The following CFAP299 variants were observed in gnomAD, a reference collection of about 807,000 sequenced individuals.
The protein encoded by CFAP299 is cilia- and flagella-associated protein 299.
Under a neutral mutation model 27.0 loss-of-function variants are expected in CFAP299, and 21 were observed. That is an observed-to-expected ratio of 0.78 (90% CI 0.55 to 1.12). CFAP299 has a LOEUF of 1.12. CFAP299 is among the 50% of genes most tolerant of loss of function. The pLI is 0.00. For synonymous variants in CFAP299, 104 were observed against 98.1 expected, an observed-to-expected ratio of 1.06 and a Z score of -0.36; for missense variants, 310 against 276.6, an observed-to-expected ratio of 1.12 and a Z score of -0.86.
intron 3 of CFAP299, among the ~76,000 whole-genome samples, chr4:80,823,411 G>T (rs1212911888): frequency 6.6e-6 from 1 of 152,088 alleles, no homozygotes; most frequent in African/African-American, 2.4e-5. Context: ...GAGACCCAGA[G>T]ACCTCCTTTT....
In CFAP299 at chr4:80,496,621, C is replaced by G. The variant is rs575215802; in HGVS notation, c.243-86472C>G. Among the ~76,000 whole-genome samples the G allele has an allele frequency of 3.3e-5, 5 of 152,360 alleles. No individual in the cohort carries two copies. In the East Asian group the frequency reaches 9.6e-4, roughly 29 times the overall value. ...ACTCTTCCAACCTCTGCCTGTTCCA[C>G]AGTTCCAAAGCTGCTTTCACATTTT... On this transcript the variant is annotated intron_variant, in intron 2 of 5. Transcript: ENST00000358105.
At chr4:80,567,564 G>A (rs1735365388) in intron 2 of CFAP299, among the ~76,000 whole-genome samples, 2 of 151,758 alleles carry the variant, frequency 1.3e-5, no homozygotes, top group South Asian at 4.2e-4. Flanking sequence ...AGCACATATC[G>A]GATTTAGCTC....
In CFAP299 at chr4:80,415,117, T is replaced by G. The variant is rs568879952; in HGVS notation, c.242+52233T>G. Among the ~76,000 whole-genome samples, 596 of 152,342 alleles carry G rather than the reference T, an allele frequency of 3.9e-3. 2 individuals are homozygous for G. Among genetic ancestry groups the G allele is most frequent in the Middle Eastern group, 6.8e-3 (2 of 294 alleles). Reference sequence around the variant, plus strand: ...TAGTGGTTTTGCAATAAATATTTGCTAAATTAAGTCAACTTAAAAAATGAA... The same window carrying G: ...TAGTGGTTTTGCAATAAATATTTGCGAAATTAAGTCAACTTAAAAAATGAA... On this transcript the variant is annotated intron_variant, in intron 2 of 5. Transcript: ENST00000358105.
intron 2 of CFAP299, among the ~76,000 whole-genome samples, chr4:80,373,657 TTGG>T (rs1182405176): frequency 1.3e-5 from 2 of 152,212 alleles, no homozygotes; most frequent in African/African-American, 2.4e-5. Flanking sequence ...TGCAGTGCCC[TTGG>T]TGGTCATTGG....
chr4:80,868,895 G>GATT, intron 3 of CFAP299, among the ~76,000 whole-genome samples: 1 of 130,832 alleles, frequency 7.6e-6, no homozygotes, highest in African/African-American at 3.5e-5. Flanking sequence ...ATGGGTGGGG[G>GATT]CTTCTCTCTC....
intron 3 of CFAP299, among the ~76,000 whole-genome samples, chr4:80,677,605 A>G (rs1719549491): frequency 6.6e-6 from 1 of 152,098 alleles, no homozygotes; most frequent in Non-Finnish European, 1.5e-5. Flanking sequence ...TGATACAATA[A>G]TATCATAAAA....
intron 3 of CFAP299, among the ~76,000 whole-genome samples, chr4:80,855,979 C>A (rs1367251059): frequency 6.6e-6 from 1 of 151,794 alleles, no homozygotes; most frequent in Non-Finnish European, 1.5e-5. Context: ...GAGGAATTGC[C>A]ACACTGACTT....
intron 2 of CFAP299, among the ~76,000 whole-genome samples, chr4:80,503,872 G>A (rs1368524163): frequency 6.6e-6 from 1 of 152,008 alleles, no homozygotes; most frequent in African/African-American, 2.4e-5. Flanking sequence ...TTGATGGGGT[G>A]GCATTTCCTA....
At chr4:80,621,738 G>C (rs954829512) in intron 3 of CFAP299, among the ~76,000 whole-genome samples, 1 of 152,104 alleles carries the variant, frequency 6.6e-6, no homozygotes, top group African/African-American at 2.4e-5. Flanking sequence ...GCTTCAACAA[G>C]TAATTATTAC....
At chr4:80,573,519 G>C (rs1735697009) in intron 2 of CFAP299, among the ~76,000 whole-genome samples, 1 of 151,932 alleles carries the variant, frequency 6.6e-6, no homozygotes, top group Non-Finnish European at 1.5e-5. Context: ...TTGGGGTATT[G>C]TTCAAGAAAT....
At chr4:80,569,266 G>A (rs1735463256) in intron 2 of CFAP299, among the ~76,000 whole-genome samples, 1 of 152,118 alleles carries the variant, frequency 6.6e-6, no homozygotes, top group Non-Finnish European at 1.5e-5. Context: ...TGTGAACAGG[G>A]AGGAATAAAA....
At chr4:80,603,626 A>C (rs1737485301) in intron 3 of CFAP299, among the ~76,000 whole-genome samples, 1 of 152,206 alleles carries the variant, frequency 6.6e-6, no homozygotes, top group Non-Finnish European at 1.5e-5. Flanking sequence ...AATGTGTTTA[A>C]GGACTTATGT....
rs146203590 is a variant in CFAP299, at chr4:80,428,725, A to T, written c.242+65841A>T. Among the ~76,000 whole-genome samples, 565 of 149,450 alleles carry T rather than the reference A, an allele frequency of 3.8e-3. 3 individuals carry two copies. The highest frequency in any genetic ancestry group is 6.6e-3 in the Non-Finnish European group (444 of 67,516). ...TTTTTTTTGTTTGTATTTTTAGTAG[A>T]GATGGGGGTTTTACCATGTTGGTCA... On this transcript the variant is annotated intron_variant, in intron 2 of 5. Transcript: ENST00000358105.
intron 3 of CFAP299, among the ~76,000 whole-genome samples, chr4:80,836,691 C>G (rs748579190): frequency 1.4e-4 from 22 of 152,030 alleles, no homozygotes; most frequent in Non-Finnish European, 2.4e-4. Flanking sequence ...TCCCTTATGT[C>G]AAGGAAAGTG....
chr4:80,517,051 G>A (rs1196563005), intron 2 of CFAP299, among the ~76,000 whole-genome samples: 2 of 152,166 alleles, frequency 1.3e-5, no homozygotes, highest in African/African-American at 4.8e-5. Context: ...AGTGGATTAA[G>A]CTAAGGACAG....
In CFAP299 at chr4:80,388,748, A is replaced by C. The variant is rs147822247; in HGVS notation, c.242+25864A>C. 8.8e-4 allele frequency: 446 copies of C among 507,096 alleles called. 2 individuals carry two copies. Among genetic ancestry groups the C allele is most frequent in the African/African-American group, 7.7e-3 (384 of 49,554 alleles). The allele number at this position is 507,096 out of a possible 1,614,324, so 31.4% of individuals were successfully genotyped here. On this transcript the variant is annotated intron_variant, in intron 2 of 5. Coordinates refer to ENST00000358105, the MANE Select transcript of CFAP299 (RefSeq NM_152770.3). ...GCCCCTATATTTCTTATAATTAATCAATAGATTTTTTGGGGAGGTAGGGTT... is the reference window on the plus strand; with the variant it reads ...GCCCCTATATTTCTTATAATTAATCCATAGATTTTTTGGGGAGGTAGGGTT...
At chr4:80,525,521 T>G (rs549305830) in intron 2 of CFAP299, among the ~76,000 whole-genome samples, 1 of 152,304 alleles carries the variant, frequency 6.6e-6, no homozygotes, top group Non-Finnish European at 1.5e-5. Context: ...GTTATTTCTT[T>G]GAAATGAAAA....
At chr4:80,911,194 T>A (rs910958680) in intron 4 of CFAP299, among the ~76,000 whole-genome samples, 1 of 151,176 alleles carries the variant, frequency 6.6e-6, no homozygotes, top group Non-Finnish European at 1.5e-5. Flanking sequence ...TATTTCAAAG[T>A]TTTACATTTT....
At chr4:80,484,150 A>G (rs112389208) in intron 2 of CFAP299, among the ~76,000 whole-genome samples, 5,036 of 152,160 alleles carry the variant, frequency 0.033, 168 homozygotes, top group South Asian at 0.08. Flanking sequence ...AGGCAATTAT[A>G]CCTATTGGAA....
Sources: allele counts gnomAD v4.1 joint callset (sites outside exome capture counted in the v4.1 genomes callset), GRCh38; gene constraint gnomAD v4.1.1; transcripts MANE v1.5; gene names NCBI Gene and HGNC (gene_info 2026-07-23, HGNC 2026-07-21).